The following CAST variants were observed in gnomAD, a reference collection of about 807,000 sequenced individuals.
CAST encodes calpastatin.
CAST carries 76 observed loss-of-function variants against 119.6 expected under a neutral mutation model. The observed-to-expected ratio is 0.64, with a 90% confidence interval of 0.53 to 0.77. The LOEUF is 0.77. Among genes scored for constraint, CAST ranks in the 30% least tolerant of loss-of-function variants. The pLI, the probability that CAST is intolerant of heterozygous loss-of-function variation, is 0.00. For synonymous variants in CAST, 319 were observed against 331.6 expected (o/e 0.96, Z 0.41); for missense variants, 953 against 946.5 (o/e 1.01, Z -0.09).
the CAST span, among the ~76,000 whole-genome samples, chr5:96,426,529 A>C: frequency 1.3e-5 from 2 of 152,194 alleles, no homozygotes; most frequent in African/African-American, 4.8e-5. Context: ...GACCACGCAC[A>C]CTTACCATTA....
intron 30 of CAST, among the ~76,000 whole-genome samples, chr5:96,771,252 CT>C (rs1772203195): frequency 6.6e-6 from 1 of 152,068 alleles, no homozygotes; most frequent in African/African-American, 2.4e-5. Flanking sequence ...TTAATCAGCC[CT>C]TTAACAAATA....
the CAST span, among the ~76,000 whole-genome samples, chr5:96,273,676 T>A: frequency 6.6e-6 from 1 of 152,200 alleles, no homozygotes. Flanking sequence ...GATATTTTTG[T>A]ATGCAGAGAA....
At chr5:96,221,003 A>G in the CAST span, among the ~76,000 whole-genome samples, 1 of 152,172 alleles carries the variant, frequency 6.6e-6, no homozygotes, top group Non-Finnish European at 1.5e-5. Flanking sequence ...TTCACAACAT[A>G]TATTTTCAAT....
intron 1 of CAST, among the ~76,000 whole-genome samples, chr5:96,608,449 A>G (rs910061079): frequency 1.3e-5 from 2 of 152,162 alleles, no homozygotes; most frequent in African/African-American, 2.4e-5. Context: ...TACTCAATAA[A>G]TACTACCTGT....
the CAST span, among the ~76,000 whole-genome samples, chr5:95,976,856 T>C: frequency 6.6e-6 from 1 of 152,230 alleles, no homozygotes; most frequent in Admixed American, 6.5e-5. Flanking sequence ...AGTTGGCAGA[T>C]GTTTTTTCTC....
chr5:96,651,155 T>A (rs1402435209), intron 1 of CAST, among the ~76,000 whole-genome samples: 10 of 152,012 alleles, frequency 6.6e-5, no homozygotes, highest in Non-Finnish European at 5.9e-5. Context: ...CCTCCCCGTC[T>A]CAATTATCTC....
the CAST span, among the ~76,000 whole-genome samples, chr5:96,257,750 C>T: frequency 6.6e-6 from 1 of 152,186 alleles, no homozygotes. Flanking sequence ...ACTGCTTTCC[C>T]TTTGGTCAGT....
At chr5:96,173,864 C>A in the CAST span, among the ~76,000 whole-genome samples, 2 of 152,060 alleles carry the variant, frequency 1.3e-5, no homozygotes, top group Non-Finnish European at 2.9e-5. Flanking sequence ...CCTCAGCCTC[C>A]CGACTAGGTG....
the CAST span, among the ~76,000 whole-genome samples, chr5:96,464,115 T>A: frequency 6.6e-6 from 1 of 151,972 alleles, no homozygotes; most frequent in Non-Finnish European, 1.5e-5. Flanking sequence ...AAGGTTTTGT[T>A]TTGTTTTGGT....
chr5:96,088,552 A>G, the CAST span, among the ~76,000 whole-genome samples: 1 of 152,192 alleles, frequency 6.6e-6, no homozygotes, highest in Non-Finnish European at 1.5e-5. Flanking sequence ...GGATCCTACA[A>G]GTTGGATTGG....
chr5:96,514,116 C>T, the CAST span, among the ~76,000 whole-genome samples: 4 of 152,168 alleles, frequency 2.6e-5, no homozygotes, highest in Non-Finnish European at 5.9e-5. Context: ...AATAACTACA[C>T]CTGCACTGAC....
At chr5:96,761,815 T>G (rs1768059107) in intron 24 of CAST, 3 of 154,310 alleles carry the variant, frequency 1.9e-5, no homozygotes, top group African/African-American at 7.2e-5. Context: ...AGTCAAATTC[T>G]GGCAAGCAAG....
At chr5:96,080,330 A>G in the CAST span, among the ~76,000 whole-genome samples, 1 of 152,186 alleles carries the variant, frequency 6.6e-6, no homozygotes, top group Non-Finnish European at 1.5e-5. Flanking sequence ...TAAAAATATT[A>G]ATGCTATCAT....
intron 1 of CAST, among the ~76,000 whole-genome samples, chr5:96,539,796 A>C (rs957896096): frequency 3.3e-5 from 5 of 152,200 alleles, no homozygotes; most frequent in African/African-American, 1.2e-4. Context: ...CTAATCCTGC[A>C]ATTGCTGGCT....
intron 3 of CAST, among the ~76,000 whole-genome samples, chr5:96,711,558 A>G (rs1382917685): frequency 6.6e-6 from 1 of 152,208 alleles, no homozygotes; most frequent in East Asian, 1.9e-4. Context: ...TTTTACAACT[A>G]GGTAAGGAGG....
the CAST span, among the ~76,000 whole-genome samples, chr5:96,304,201 T>G: frequency 1.3e-5 from 2 of 152,240 alleles, no homozygotes; most frequent in African/African-American, 4.8e-5. Flanking sequence ...TAATGACAAG[T>G]GATGATGAGC....
the CAST span, among the ~76,000 whole-genome samples, chr5:96,487,448 T>G: frequency 2.0e-5 from 3 of 152,224 alleles, no homozygotes; most frequent in African/African-American, 7.2e-5. Flanking sequence ...CCCACATCAG[T>G]TATAGTTTCA....
the CAST span, among the ~76,000 whole-genome samples, chr5:95,981,834 C>T: frequency 6.6e-6 from 1 of 152,094 alleles, no homozygotes; most frequent in East Asian, 1.9e-4. Context: ...GACATCGCAC[C>T]ACTGCACTCC....
chr5:96,131,910 C>CAGTTCA, the CAST span, among the ~76,000 whole-genome samples: 1 of 152,116 alleles, frequency 6.6e-6, no homozygotes, highest in Non-Finnish European at 1.5e-5. Flanking sequence ...TGTCTGAAAC[C>CAGTTCA]AGTTCAATCA....
Sources: gnomAD v4.1 joint callset for allele counts (sites outside exome capture counted in the v4.1 genomes callset) on GRCh38, gnomAD v4.1.1 for gene constraint, MANE v1.5 for transcripts, NCBI Gene and HGNC (gene_info 2026-07-23, HGNC 2026-07-21) for gene names.